The following CHST11 variants were observed in gnomAD, a reference collection of about 807,000 sequenced individuals.
The protein encoded by CHST11 is carbohydrate sulfotransferase 11.
Under a neutral mutation model 30.4 loss-of-function variants are expected in CHST11, and 9 were observed. That is an observed-to-expected ratio of 0.30 (90% confidence interval 0.18 to 0.52). CHST11 has a LOEUF of 0.52. Ranked by LOEUF, CHST11 falls within the 20% of genes least tolerant of loss-of-function variation. The pLI is 0.97. For missense variants in CHST11, 348 were observed against 460.6 expected, an observed-to-expected ratio of 0.76 and a Z score of 2.24; for synonymous variants, 152 against 187.8, an observed-to-expected ratio of 0.81 and a Z score of 1.56.
chr12:104,583,658 T>C (rs1388891226), intron 1 of CHST11, among the ~76,000 whole-genome samples: 1 of 152,226 alleles, frequency 6.6e-6, no homozygotes, highest in Non-Finnish European at 1.5e-5. Flanking sequence ...AAGCATCCTA[T>C]ATTCCTAAAA....
intron 1 of CHST11, among the ~76,000 whole-genome samples, chr12:104,466,403 A>G (rs527596179): frequency 6.6e-6 from 1 of 152,374 alleles, no homozygotes; most frequent in South Asian, 2.1e-4. Flanking sequence ...TATTGAGTTC[A>G]AGAACAAATT....
At chr12:104,621,428 C>T (rs1416124169) in intron 2 of CHST11, among the ~76,000 whole-genome samples, 1 of 152,200 alleles carries the variant, frequency 6.6e-6, no homozygotes, top group East Asian at 1.9e-4. Context: ...AATGCCTTGC[C>T]CCTTTTCCAA....
intron 2 of CHST11, among the ~76,000 whole-genome samples, chr12:104,701,236 T>TTGGA (rs1453806724): frequency 6.6e-6 from 1 of 152,308 alleles, no homozygotes; most frequent in Non-Finnish European, 1.5e-5. Flanking sequence ...ACCCATGTCT[T>TTGGA]TCTGCCCAGA....
intron 1 of CHST11, among the ~76,000 whole-genome samples, chr12:104,472,464 A>G (rs1334383026): frequency 6.6e-6 from 1 of 152,104 alleles, no homozygotes; most frequent in East Asian, 1.9e-4. Context: ...CTTCTAGTTA[A>G]TCAGTCGCTA....
chr12:104,518,404 A>T (rs1735069067), intron 1 of CHST11, among the ~76,000 whole-genome samples: 1 of 152,194 alleles, frequency 6.6e-6, no homozygotes, highest in Non-Finnish European at 1.5e-5. Flanking sequence ...TATTTCCTTC[A>T]CTAATTATAT....
intron 2 of CHST11, among the ~76,000 whole-genome samples, chr12:104,610,715 G>A (rs937178012): frequency 1.3e-5 from 2 of 152,188 alleles, no homozygotes; most frequent in Non-Finnish European, 2.9e-5. Context: ...GAGAGACATC[G>A]GGGGTGAGAG....
At chr12:104,505,431 A>G (rs2037895862) in intron 1 of CHST11, among the ~76,000 whole-genome samples, 1 of 152,096 alleles carries the variant, frequency 6.6e-6, no homozygotes, top group Non-Finnish European at 1.5e-5. Flanking sequence ...AACTGCACTC[A>G]CTGGGTCCTG....
chr12:104,511,867 C>T (rs1455254990), intron 1 of CHST11, among the ~76,000 whole-genome samples: 2 of 152,134 alleles, frequency 1.3e-5, no homozygotes, highest in Non-Finnish European at 2.9e-5. Context: ...GGATTGGTTC[C>T]AGGACCCCTC....
chr12:104,670,214 C>A (rs11112154), intron 2 of CHST11, among the ~76,000 whole-genome samples: 16,934 of 152,160 alleles, frequency 0.11, 1,011 homozygotes, highest in South Asian at 0.18. Context: ...CCCACAGAGG[C>A]CTTGTGGTCT....
chr12:104,582,516 T>C (rs2038756480), intron 1 of CHST11, among the ~76,000 whole-genome samples: 1 of 152,310 alleles, frequency 6.6e-6, no homozygotes, highest in South Asian at 2.1e-4. Context: ...TTTCATGTTA[T>C]TATCTTTACT....
intron 1 of CHST11, among the ~76,000 whole-genome samples, chr12:104,513,548 A>G (rs544692137): frequency 1.7e-3 from 255 of 152,280 alleles, no homozygotes; most frequent in Non-Finnish European, 3.2e-3. Context: ...GGGCAACACA[A>G]CCAATTTTCT....
chr12:104,639,112 A>G (rs1354937969), intron 2 of CHST11, among the ~76,000 whole-genome samples: 1 of 152,196 alleles, frequency 6.6e-6, no homozygotes, highest in Non-Finnish European at 1.5e-5. Flanking sequence ...TTAGAAACGT[A>G]TGCCATCCTG....
intron 2 of CHST11, among the ~76,000 whole-genome samples, chr12:104,678,162 A>G (rs928369719): frequency 3.3e-5 from 5 of 152,190 alleles, no homozygotes; most frequent in African/African-American, 1.2e-4. Context: ...CTTACATTTA[A>G]CTTTTATTGC....
At chr12:104,675,424 A>G (rs184774882) in intron 2 of CHST11, among the ~76,000 whole-genome samples, 123 of 152,312 alleles carry the variant, frequency 8.1e-4, no homozygotes, top group Non-Finnish European at 1.3e-3. Flanking sequence ...CAGACTCATA[A>G]CTTTCCAATA....
intron 2 of CHST11, among the ~76,000 whole-genome samples, chr12:104,620,018 G>A (rs875679): frequency 0.55 from 84,224 of 152,044 alleles, 24,019 homozygotes; most frequent in East Asian, 0.91. Flanking sequence ...GTCATTCCCG[G>A]TGAGCCTTCA....
chr12:104,740,029 C>T (rs1250179588), intron 2 of CHST11, among the ~76,000 whole-genome samples: 10 of 152,188 alleles, frequency 6.6e-5, no homozygotes. Context: ...TGAATGAGAT[C>T]AGGGAGACAC....
At chr12:104,573,244 T>C (rs1373437431) in intron 1 of CHST11, among the ~76,000 whole-genome samples, 1 of 152,086 alleles carries the variant, frequency 6.6e-6, no homozygotes, top group Non-Finnish European at 1.5e-5. Context: ...TCCATGCTCA[T>C]GGATAGGAAG....
chr12:104,467,232 A>T (rs1431789311), intron 1 of CHST11, among the ~76,000 whole-genome samples: 1 of 152,196 alleles, frequency 6.6e-6, no homozygotes, highest in Non-Finnish European at 1.5e-5. Flanking sequence ...ATGTAATTTG[A>T]TATGACAGGT....
chr12:104,616,353 C>G (rs1183873788), intron 2 of CHST11, among the ~76,000 whole-genome samples: 1 of 152,190 alleles, frequency 6.6e-6, no homozygotes, highest in Non-Finnish European at 1.5e-5. Flanking sequence ...AGAACCACCT[C>G]TCTAGGTTTT....
Sources: gnomAD v4.1 joint callset for allele counts (sites outside exome capture counted in the v4.1 genomes callset) on GRCh38, gnomAD v4.1.1 for gene constraint, MANE v1.5 for transcripts, NCBI Gene and HGNC (gene_info 2026-07-23, HGNC 2026-07-21) for gene names.